Variants in EXOC4 observed in about 807,000 individuals in gnomAD.
The protein encoded by EXOC4 is SEC8-like 1.
A neutral mutation model predicts 107.2 loss-of-function variants in EXOC4; 71 were observed. That is an observed-to-expected ratio of 0.66 (90% CI 0.55 to 0.81). EXOC4 has a LOEUF of 0.81. Among genes scored for constraint, EXOC4 ranks in the 30% least tolerant of loss-of-function variants. The probability of loss-of-function intolerance (pLI) is 0.00; values close to 1 mark genes in which losing one functional copy is unlikely to be tolerated. For synonymous variants in EXOC4, 456 were observed against 441.2 expected (o/e 1.03, Z -0.42); for missense variants, 1,108 against 1,189.6 (o/e 0.93, Z 1.01).
intron 7 of EXOC4, among the ~76,000 whole-genome samples, chr7:133,453,533 A>C (rs1798394709): frequency 6.6e-6 from 1 of 152,226 alleles, no homozygotes; most frequent in African/African-American, 2.4e-5. Flanking sequence ...CTCTTTAATT[A>C]GTAATTAACT....
chr7:133,369,914 T>A (rs1168389879), intron 6 of EXOC4, among the ~76,000 whole-genome samples: 1 of 149,092 alleles, frequency 6.7e-6, no homozygotes, highest in African/African-American at 2.5e-5. Context: ...AAGCGATTCT[T>A]CTGCCTCAGC....
At chr7:133,577,669 A>G (rs1801161901) in intron 9 of EXOC4, among the ~76,000 whole-genome samples, 1 of 152,172 alleles carries the variant, frequency 6.6e-6, no homozygotes, top group South Asian at 2.1e-4. Flanking sequence ...TATCAAGGGT[A>G]TGCTCTTTGC....
At chr7:133,711,927 C>G (rs546080026) in intron 10 of EXOC4, among the ~76,000 whole-genome samples, 8 of 152,172 alleles carry the variant, frequency 5.3e-5, no homozygotes, top group African/African-American at 1.9e-4. Flanking sequence ...TCAAGATGCT[C>G]TAAAAGTTTC....
At chr7:133,855,477 C>T (rs765037579) in intron 11 of EXOC4, among the ~76,000 whole-genome samples, 9 of 151,992 alleles carry the variant, frequency 5.9e-5, no homozygotes, top group Non-Finnish European at 1.3e-4. Flanking sequence ...AAGATATCAG[C>T]ACATTTGGAG....
intron 1 of EXOC4, among the ~76,000 whole-genome samples, chr7:133,263,374 C>CTTTTT (rs920302686): frequency 4.7e-3 from 394 of 83,992 alleles, no homozygotes; most frequent in East Asian, 6.4e-3. Context: ...AAAAAGCATT[C>CTTTTT]TTTTTTTTTT....
intron 9 of EXOC4, among the ~76,000 whole-genome samples, chr7:133,595,013 A>C (rs988621445): frequency 1.3e-5 from 2 of 152,136 alleles, no homozygotes; most frequent in African/African-American, 4.8e-5. Flanking sequence ...AACTGAAGGA[A>C]GTCAAAGAAC....
intron 10 of EXOC4, among the ~76,000 whole-genome samples, chr7:133,704,195 C>T (rs1315074938): frequency 6.6e-5 from 10 of 152,158 alleles, no homozygotes; most frequent in Non-Finnish European, 1.2e-4. Flanking sequence ...TTAGGTGATC[C>T]TCCCGTCTTC....
At chr7:133,884,309 A>T (rs1799030704) in intron 11 of EXOC4, among the ~76,000 whole-genome samples, 1 of 152,220 alleles carries the variant, frequency 6.6e-6, no homozygotes, top group Non-Finnish European at 1.5e-5. Flanking sequence ...CATGCAGTTT[A>T]TAGAGCATTT....
intron 10 of EXOC4, among the ~76,000 whole-genome samples, chr7:133,775,807 T>C (rs1796333742): frequency 6.6e-6 from 1 of 152,220 alleles, no homozygotes; most frequent in South Asian, 2.1e-4. Context: ...TCATGGCTTA[T>C]AGACCATGTG....
intron 10 of EXOC4, among the ~76,000 whole-genome samples, chr7:133,755,273 T>TATAA (rs1795885431): frequency 9.6e-6 from 1 of 103,734 alleles, no homozygotes; most frequent in African/African-American, 4.0e-5. Context: ...ATTATATATA[T>TATAA]TATATATATT....
intron 11 of EXOC4, 80 bp downstream of exon 11, chr7:133,817,624 A>ATCTCCAAATACCACATCCTGCTGCG: frequency 4.8e-6 from 5 of 1,044,344 alleles, no homozygotes; most frequent in Non-Finnish European, 7.1e-6. Flanking sequence ...AAAAAAGAAG[A>ATCTCCAAATACCACATCCTGCTGCG]ATTACCATCT....
intron 9 of EXOC4, among the ~76,000 whole-genome samples, chr7:133,577,762 T>C (rs930479112): frequency 2.6e-5 from 4 of 152,214 alleles, no homozygotes; most frequent in Non-Finnish European, 4.4e-5. Flanking sequence ...TTTCCGTAGG[T>C]CATATATGTA....
intron 10 of EXOC4, among the ~76,000 whole-genome samples, chr7:133,767,631 A>C (rs1035719744): frequency 6.6e-6 from 1 of 151,990 alleles, no homozygotes; most frequent in African/African-American, 2.4e-5. Flanking sequence ...TTTCAACTGC[A>C]ATCTTACATG....
intron 10 of EXOC4, among the ~76,000 whole-genome samples, chr7:133,688,135 C>T (rs1463619597): frequency 6.6e-6 from 1 of 152,012 alleles, no homozygotes; most frequent in Admixed American, 6.6e-5. Flanking sequence ...AGAAATGTCC[C>T]GAGGTCATTG....
At chr7:133,466,303 G>T (rs1164630112) in intron 7 of EXOC4, among the ~76,000 whole-genome samples, 1 of 151,978 alleles carries the variant, frequency 6.6e-6, no homozygotes, top group Non-Finnish European at 1.5e-5. Context: ...TCTTTAAGTA[G>T]ACCAACCAAT....
chr7:133,382,972 C>T (rs1466659694), intron 7 of EXOC4, among the ~76,000 whole-genome samples: 4 of 152,098 alleles, frequency 2.6e-5, no homozygotes, highest in African/African-American at 9.7e-5. Context: ...ATAGTTTTTC[C>T]CTGGTGTCAG....
At chr7:133,779,314 T>A (rs1471316057) in intron 10 of EXOC4, among the ~76,000 whole-genome samples, 6 of 152,218 alleles carry the variant, frequency 3.9e-5, no homozygotes, top group African/African-American at 9.6e-5. Flanking sequence ...GATTTTTTTT[T>A]AATGGCTTTC....
At chr7:133,787,117 A>T (rs1280375213) in intron 10 of EXOC4, among the ~76,000 whole-genome samples, 3 of 146,452 alleles carry the variant, frequency 2.0e-5, no homozygotes, top group Non-Finnish European at 3.0e-5. Flanking sequence ...TTTATTGAGC[A>T]TTTTCTGTAA....
At chr7:133,572,646 A>C (rs1473893637) in intron 9 of EXOC4, among the ~76,000 whole-genome samples, 1 of 152,242 alleles carries the variant, frequency 6.6e-6, no homozygotes, top group Non-Finnish European at 1.5e-5. Flanking sequence ...TCCTTCCAGC[A>C]TAACAAAAAT....
Sources: allele counts gnomAD v4.1 joint callset (sites outside exome capture counted in the v4.1 genomes callset), GRCh38; gene constraint gnomAD v4.1.1; transcripts MANE v1.5; gene names NCBI Gene and HGNC (gene_info 2026-07-23, HGNC 2026-07-21).